CDX1: variants seen among roughly 807,000 people sequenced by gnomAD.
The protein encoded by CDX1 is homeobox protein CDX-1.
A neutral mutation model predicts 16.9 loss-of-function variants in CDX1; 9 were observed. The observed-to-expected ratio is 0.53, with a 90% CI of 0.32 to 0.93. The LOEUF is 0.93. Among genes scored for constraint, CDX1 ranks in the 40% least tolerant of loss-of-function variants. The pLI is 0.04. For missense variants in CDX1, 393 were observed against 386.1 expected, an observed-to-expected ratio of 1.02 and a Z score of -0.15; for synonymous variants, 179 against 179.0, an observed-to-expected ratio of 1.00 and a Z score of 0.00.
chr5:150,171,831 T>C (rs1165520266), intron 1 of CDX1, among the ~76,000 whole-genome samples: 1 of 152,174 alleles, frequency 6.6e-6, no homozygotes, highest in East Asian at 1.9e-4. Context: ...TTCGGACAAG[T>C]TAATTTGGAT....
chr5:150,167,320 C>A lies in CDX1; in HGVS notation c.444C>A (p.Ser148Arg), dbSNP rs987049203. The change falls in exon 1 of 3, where the codon AGC (serine) becomes AGA (arginine). Residue 148 changes from serine (S) to arginine (R), a missense_variant and splice_region_variant. Transcript: ENST00000231656. ...RSVAAGGGGG[S>R]GKTRTKDKYR... ...TGGCGGCCGGAGGCGGCGGTGGCAG[C>A]GGTAAGGACCCTTCCCTCGCCCTGC... 6.4e-6 allele frequency: 8 copies of A among 1,255,804 alleles called. No individual in the cohort carries two copies. Among genetic ancestry groups the A allele is most frequent in the Non-Finnish European group, 8.0e-6 (8 of 1,004,714 alleles). The allele number at this position is 1,255,804 out of a possible 1,614,324, so 77.8% of individuals were successfully genotyped here.
intron 1 of CDX1, among the ~76,000 whole-genome samples, chr5:150,180,219 G>A (rs920060081): frequency 3.3e-5 from 5 of 152,238 alleles, no homozygotes; most frequent in Non-Finnish European, 7.3e-5. Flanking sequence ...TTGAGCCGGC[G>A]TTGCATTTTC....
chr5:150,182,740 T>C, intron 1 of CDX1, 28 bp from the exon 2 acceptor site: 1 of 1,533,184 alleles, frequency 6.5e-7, no homozygotes, highest in Non-Finnish European at 8.8e-7. Flanking sequence ...TCAACTCACC[T>C]TCCTTCCCGG....
intron 1 of CDX1, among the ~76,000 whole-genome samples, chr5:150,172,138 A>C (rs1761515706): frequency 6.6e-6 from 1 of 152,062 alleles, no homozygotes; most frequent in Non-Finnish European, 1.5e-5. Flanking sequence ...GCCCTCCCTG[A>C]TTCCTCCTCC....
intron 1 of CDX1, among the ~76,000 whole-genome samples, chr5:150,180,296 G>T (rs1470676140): frequency 6.6e-6 from 1 of 152,226 alleles, no homozygotes; most frequent in African/African-American, 2.4e-5. Context: ...CTTTCCTGGG[G>T]CCAAACCTGG....
chr5:150,171,302 A>G (rs371432270), intron 1 of CDX1, among the ~76,000 whole-genome samples: 4 of 152,146 alleles, frequency 2.6e-5, no homozygotes, highest in East Asian at 1.9e-4. Flanking sequence ...GTGGCTCCCT[A>G]CTGACATGGA....
chr5:150,181,028 T>C (rs1752402919), intron 1 of CDX1, among the ~76,000 whole-genome samples: 2 of 152,098 alleles, frequency 1.3e-5, no homozygotes, highest in Non-Finnish European at 2.9e-5. Context: ...ACATCAGACT[T>C]CATGTCTCCT....
chr5:150,181,202 CG>C (rs1189634185), intron 1 of CDX1, among the ~76,000 whole-genome samples: 4 of 152,204 alleles, frequency 2.6e-5, no homozygotes, highest in Non-Finnish European at 5.9e-5. Flanking sequence ...TGCCCCACCT[CG>C]GGGCCTTTGC....
chr5:150,181,313 G>T (rs998369906), intron 1 of CDX1, among the ~76,000 whole-genome samples: 1 of 152,140 alleles, frequency 6.6e-6, no homozygotes, highest in Admixed American at 6.5e-5. Flanking sequence ...GATCACCCAG[G>T]CTAGAATGCA....
rs528743069 is a variant in CDX1 at position 150,178,596 on chromosome 5, A to C, written c.446-4172A>C. On this transcript the variant is annotated intron_variant, in intron 1 of 2. Coordinates refer to ENST00000231656, the MANE Select transcript of CDX1 (RefSeq NM_001804.3). ...GGGGCAGTTGGGAGTTCCAGCCCAGAGCTGGGACTGGAGCCCAGGGCTCCT... is the reference window on the plus strand; with the variant it reads ...GGGGCAGTTGGGAGTTCCAGCCCAGCGCTGGGACTGGAGCCCAGGGCTCCT... 2.0e-5 allele frequency among the ~76,000 whole-genome samples: 3 copies of C among 152,288 alleles called. No homozygotes were observed. In the South Asian group the frequency reaches 6.2e-4, roughly 32 times the overall value.
chr5:150,170,131 A>G (rs1247142756), intron 1 of CDX1, among the ~76,000 whole-genome samples: 1 of 152,218 alleles, frequency 6.6e-6, no homozygotes, highest in East Asian at 1.9e-4. Flanking sequence ...GCCAAGTCCT[A>G]CTGCAGATCT....
chr5:150,173,505 T>A (rs1761532514), intron 1 of CDX1, among the ~76,000 whole-genome samples: 1 of 152,240 alleles, frequency 6.6e-6, no homozygotes, highest in Admixed American at 6.5e-5. Flanking sequence ...CTAAGTAAAG[T>A]AGCGTTCTTC....
chr5:150,171,931 G>A (rs180862097), intron 1 of CDX1, among the ~76,000 whole-genome samples: 2 of 152,322 alleles, frequency 1.3e-5, no homozygotes, highest in East Asian at 1.9e-4. Context: ...CCGCCCTGCC[G>A]CTGGCACACA....
intron 1 of CDX1, among the ~76,000 whole-genome samples, chr5:150,176,534 G>A (rs1761571984): frequency 6.6e-6 from 1 of 152,214 alleles, no homozygotes; most frequent in Admixed American, 6.5e-5. Context: ...TGGGGCAGGT[G>A]CTCCCTGTGG....
chr5:150,167,398 C>T, intron 1 of CDX1, 77 bp downstream of exon 1: 1 of 1,046,852 alleles, frequency 9.6e-7, no homozygotes, highest in Non-Finnish European at 1.2e-6. Context: ...CCTGTCTGAC[C>T]TCTGCTCCGG....
chr5:150,176,993 C>T (rs1761576891), intron 1 of CDX1, among the ~76,000 whole-genome samples: 1 of 152,218 alleles, frequency 6.6e-6, no homozygotes, highest in South Asian at 2.1e-4. Context: ...TGGTCCAGGC[C>T]TTGGGGGGCC....
chr5:150,180,731 G>A (rs747009934), intron 1 of CDX1, among the ~76,000 whole-genome samples: 10 of 152,140 alleles, frequency 6.6e-5, no homozygotes, highest in Admixed American at 3.3e-4. Flanking sequence ...TTATAGCCAC[G>A]TGCTCAGCTT....
chr5:150,177,775 C>G (rs185087305), intron 1 of CDX1, among the ~76,000 whole-genome samples: 1 of 152,270 alleles, frequency 6.6e-6, no homozygotes, highest in African/African-American at 2.4e-5. Flanking sequence ...TCCTAGGTTA[C>G]CCAGCCAGTG....
chr5:150,180,344 G>A (rs1053024435), intron 1 of CDX1, among the ~76,000 whole-genome samples: 10 of 152,346 alleles, frequency 6.6e-5, no homozygotes, highest in African/African-American at 1.2e-4. Flanking sequence ...GCTGGGCAGC[G>A]GACTGAGGTC....
Sources: allele counts gnomAD v4.1 joint callset (sites outside exome capture counted in the v4.1 genomes callset), GRCh38; gene constraint gnomAD v4.1.1; transcripts MANE v1.5; gene names NCBI Gene and HGNC (gene_info 2026-07-23, HGNC 2026-07-21).